The following UPF3A variants were observed in gnomAD, a reference collection of about 807,000 sequenced individuals.
UPF3A encodes the protein UPF3A regulator of nonsense mediated mRNA decay, also known as regulator of nonsense transcripts 3A.
UPF3A carries 42 observed loss-of-function variants against 53.5 expected under a neutral mutation model. The ratio of observed to expected loss-of-function variants is 0.78; its 90% CI spans 0.61 to 1.01. The LOEUF (loss-of-function observed/expected upper bound fraction) is 1.01, where lower values mean the gene tolerates loss of function less well. UPF3A is among the 50% of genes least tolerant of loss of function. UPF3A has a pLI of 0.00. For missense variants in UPF3A, 575 were observed against 598.0 expected (o/e 0.96, Z 0.40); for synonymous variants, 237 against 225.3 (o/e 1.05, Z -0.47).
At chr13:114,282,299 A>T (rs1362824359) in intron 2 of UPF3A, 172 bp downstream of exon 2, 1 of 841,110 alleles carries the variant, frequency 1.2e-6, no homozygotes, top group African/African-American at 1.8e-5. Flanking sequence ...GAAAAATACC[A>T]CCAACAAAGA....
intron 5 of UPF3A, among the ~76,000 whole-genome samples, chr13:114,290,714 CTTTTTCTTTTCTTT>C (rs2085185773): frequency 1.3e-5 from 2 of 149,668 alleles, no homozygotes; most frequent in East Asian, 1.9e-4. Context: ...GAGTCATTTT[CTTTTTCTTTTCTTT>C]TTTTTCTTTT....
At chr13:114,299,486 G>T (rs548026415) in intron 8 of UPF3A, among the ~76,000 whole-genome samples, 2 of 152,310 alleles carry the variant, frequency 1.3e-5, no homozygotes, top group Non-Finnish European at 2.9e-5. Flanking sequence ...TTTAAGTGCT[G>T]TGATCCTTTG....
intron 8 of UPF3A, among the ~76,000 whole-genome samples, chr13:114,299,744 C>T (rs965917168): frequency 2.6e-5 from 4 of 152,240 alleles, no homozygotes; most frequent in South Asian, 2.1e-4. Context: ...GCCCCAGGCA[C>T]CTGGGCTTAC....
intron 3 of UPF3A, chr13:114,285,231 A>G (rs879061869): frequency 1.3e-5 from 2 of 152,194 alleles, no homozygotes; most frequent in Admixed American, 1.3e-4. Flanking sequence ...CCTTTTCAAA[A>G]ATCAGTTGAC....
In UPF3A at chr13:114,290,513, G is replaced by A. The variant is rs1380741318; in HGVS notation, c.632-976G>A. 2.0e-5 allele frequency among the ~76,000 whole-genome samples: 3 copies of A among 152,106 alleles called. No homozygotes were observed. In the East Asian group the frequency reaches 5.8e-4, roughly 29 times the overall value. Reference sequence around the variant, plus strand: ...CCCATTTGTGTCCTTGTGTTGGTGGGATGTGGGGCCTGTCCATGTCAGCGC... The same window carrying A: ...CCCATTTGTGTCCTTGTGTTGGTGGAATGTGGGGCCTGTCCATGTCAGCGC... On this transcript the variant is annotated intron_variant, in intron 5 of 9. Transcript: ENST00000375299.
intron 7 of UPF3A, among the ~76,000 whole-genome samples, chr13:114,295,491 C>T (rs2085868703): frequency 6.6e-6 from 1 of 152,120 alleles, no homozygotes; most frequent in African/African-American, 2.4e-5. Context: ...CCGCACGTTT[C>T]CCTCCACAGG....
intron 9 of UPF3A, among the ~76,000 whole-genome samples, chr13:114,304,370 G>A (rs939131521): frequency 2.0e-5 from 3 of 152,174 alleles, no homozygotes; most frequent in African/African-American, 7.2e-5. Flanking sequence ...TTCTAAAAAG[G>A]GACCAGTTCA....
At position 114,282,905 on chromosome 13, in the gene UPF3A, G is replaced by C; in HGVS notation, c.383G>C (p.Arg128Thr). 1.9e-6 allele frequency: 3 copies of C among 1,612,304 alleles called. No individual in the cohort carries two copies. The highest frequency in any genetic ancestry group is 2.5e-6 in the Non-Finnish European group (3 of 1,178,950). The change falls in exon 3 of 10, where the codon AGA (arginine) becomes ACA (threonine). Residue 128 changes from arginine (R) to threonine (T), a missense_variant. By Grantham distance (71) the Arg-to-Thr change is moderately conservative. Transcript: ENST00000375299. ...AATCCTGATGACATCCTTCTTTTTA[G>C]AGATCGTTTTGATGGATATATCTTC... is the stretch of plus-strand genomic sequence containing the variant. ...FRNPDDILLF[R>T]DRFDGYIFLD...
intron 3 of UPF3A, chr13:114,284,195 C>G (rs1055550499): frequency 6.9e-6 from 3 of 436,004 alleles, no homozygotes; most frequent in Non-Finnish European, 9.1e-6. Flanking sequence ...AACCCTGTCT[C>G]TACTAAAAAT....
chr13:114,286,112 A>C (rs2084660914), intron 3 of UPF3A, 190 bp from the exon 4 acceptor site: 1 of 714,574 alleles, frequency 1.4e-6, no homozygotes, highest in East Asian at 2.8e-5. Context: ...CAGGTGCTTG[A>C]AAGTGTAATA....
Position 114,286,527 on chromosome 13 carries a change from T to C in UPF3A, c.529T>C (p.Tyr177His). Residue 177 changes from tyrosine (Y) to histidine (H), a missense_variant, in exon 5 of 10, where the codon TAT (tyrosine) becomes CAT (histidine). Physicochemically the swap from Tyr to His is moderately conservative, Grantham distance 83. This residue lies in a region of UPF3A where 323 missense variants were observed against 415.2 expected (regional missense o/e 0.78). Transcript: ENST00000375299. The stretch of plus-strand genomic sequence containing the variant: ...TACTTTTTAATGTCTAGATCCAGAA[T>C]ATAAGAAGTTTTTAGAAACCTACTG... ...KTGSIEDDPE[Y>H]KKFLETYCVE... The C allele has an allele frequency of 6.2e-7, 1 of 1,612,884 alleles. No homozygotes were observed. The highest frequency in any genetic ancestry group is 8.5e-7 in the Non-Finnish European group (1 of 1,179,538).
At chr13:114,287,879 T>C (rs905161235) in intron 5 of UPF3A, among the ~76,000 whole-genome samples, 22 of 151,990 alleles carry the variant, frequency 1.4e-4, no homozygotes, top group Admixed American at 4.6e-4. Flanking sequence ...CAATCTCGGC[T>C]CACTGCAACC....
At chr13:114,288,712 G>A (rs953348034) in intron 5 of UPF3A, among the ~76,000 whole-genome samples, 3 of 152,184 alleles carry the variant, frequency 2.0e-5, no homozygotes, top group African/African-American at 4.8e-5. Context: ...GGACAGGACC[G>A]ACAGACGGAT....
Position 114,304,512 on chromosome 13 carries a change from C to T in UPF3A, c.1303-277C>T, listed in dbSNP as rs188645064. Among the ~76,000 whole-genome samples the T allele has an allele frequency of 7.2e-4, 109 of 152,334 alleles. 1 individual carries two copies. Among genetic ancestry groups the T allele is most frequent in the East Asian group, 2.7e-3 (14 of 5,186 alleles). ...ACATCTCATTTTGTTCACTTCCCAA[C>T]TCAGAGGGGGACGTCATGATTGTAC... On this transcript the variant is annotated intron_variant, in intron 9 of 9. Transcript: ENST00000375299.
chr13:114,281,838 C>G lies in UPF3A; in HGVS notation c.199C>G (p.Leu67Val), dbSNP rs753282717. 2.7e-5 allele frequency: 42 copies of G among 1,529,762 alleles called. No homozygotes were observed. Among genetic ancestry groups the G allele is most frequent in the Non-Finnish European group, 3.5e-5 (40 of 1,137,022 alleles). The allele number at this position is 1,529,762 out of a possible 1,614,324, so 94.8% of individuals were successfully genotyped here. Residue 67 changes from leucine (L) to valine (V), a missense_variant, in exon 1 of 10, where the codon CTG (leucine) becomes GTG (valine). Leu to Val is a conservative substitution (Grantham distance 32). This residue lies in a region of UPF3A where 252 missense variants were observed against 182.7 expected (regional missense o/e 1.38). Transcript: ENST00000375299. ...ACCTCGCGAGGAGAAGAGGACGGCC[C>G]TGAGCAAGGTGGGGACGGGGGCGGG... is the stretch of plus-strand genomic sequence containing the variant. ...GKPREEKRTA[L>V]SKVVIRRLPP...
intron 7 of UPF3A, among the ~76,000 whole-genome samples, chr13:114,295,520 C>T (rs527444406): frequency 7.9e-5 from 12 of 152,174 alleles, no homozygotes; most frequent in South Asian, 2.1e-4. Context: ...CAGATGTGCC[C>T]GTGGCTCCTT....
intron 5 of UPF3A, among the ~76,000 whole-genome samples, chr13:114,290,593 C>T (rs1019187668): frequency 2.0e-5 from 3 of 152,120 alleles, no homozygotes; most frequent in Non-Finnish European, 1.5e-5. Context: ...GCACCCACAT[C>T]CAGGTCAGAT....
intron 5 of UPF3A, 28 bp from the exon 6 acceptor site, chr13:114,291,461 A>G (rs774098707): frequency 2.6e-6 from 4 of 1,563,178 alleles, no homozygotes; most frequent in Non-Finnish European, 3.5e-6. Context: ...TAGGAGTTAA[A>G]TACAATATTA....
chr13:114,302,122 G>A, intron 9 of UPF3A, 97 bp downstream of exon 9: 1 of 1,255,626 alleles, frequency 8.0e-7, no homozygotes, highest in Middle Eastern at 2.0e-4. Context: ...GTGTCTTGGG[G>A]AACGCAGTGC....
Sources: allele counts gnomAD v4.1 joint callset (sites outside exome capture counted in the v4.1 genomes callset), GRCh38; gene constraint gnomAD v4.1.1; regional missense constraint gnomAD v4.1.1; transcripts MANE v1.5; gene names NCBI Gene and HGNC (gene_info 2026-07-23, HGNC 2026-07-21).